Variants in HDLBP observed in about 807,000 individuals in gnomAD.
The protein encoded by HDLBP is high density lipoprotein binding protein, also known as vigilin.
A neutral mutation model predicts 137.3 loss-of-function variants in HDLBP; 30 were observed. That is an observed-to-expected ratio of 0.22 (90% CI 0.16 to 0.30). HDLBP has a LOEUF of 0.30. HDLBP is among the 10% of genes least tolerant of loss of function. The probability of loss-of-function intolerance (pLI) is 1.00; values close to 1 mark genes in which losing one functional copy is unlikely to be tolerated. For missense variants in HDLBP, 1,119 were observed against 1,667.3 expected, an observed-to-expected ratio of 0.67 and a Z score of 5.73; for synonymous variants, 606 against 596.0, an observed-to-expected ratio of 1.02 and a Z score of -0.24.
In HDLBP at chr2:241,229,950, C is replaced by G; in HGVS notation, c.3603G>C (p.Val1201=). The change falls in exon 27 of 28, where the codon GTG becomes GTC. Residue 1201 remains valine (V), a synonymous_variant. Transcript: ENST00000310931. Reference sequence around the variant, plus strand: ...ATACCTGCAGCGCCTCACTGTCCACCACGTCAGCTAGCTGCAGGCAGAAGA... The same window carrying G: ...ATACCTGCAGCGCCTCACTGTCCACGACGTCAGCTAGCTGCAGGCAGAAGA... ...LNLEEEYLAD[V]VDSEALQVYM... 6.2e-7 allele frequency: 1 copy of G among 1,600,232 alleles called. No individual in the cohort carries two copies. Among genetic ancestry groups the G allele is most frequent in the Non-Finnish European group, 8.5e-7 (1 of 1,172,440 alleles).
chr2:241,255,034 G>A lies in HDLBP; in HGVS notation c.1188+17C>T, dbSNP rs1559507941. 1 of 1,553,622 alleles carries A rather than the reference G, an allele frequency of 6.4e-7. No homozygotes were observed. The highest frequency in any genetic ancestry group is 2.2e-5 in the East Asian group (1 of 44,556). ...ACAAGACAAATTCAATACAACAGGTGAAAAACGTGTCCTTACCTTTGGCAT... is the reference window on the plus strand; with the variant it reads ...ACAAGACAAATTCAATACAACAGGTAAAAAACGTGTCCTTACCTTTGGCAT... On this transcript the variant is annotated intron_variant, in intron 9 of 27. Transcript: ENST00000310931.
chr2:241,261,985 G>T (rs980767033), intron 5 of HDLBP, among the ~76,000 whole-genome samples: 1 of 152,312 alleles, frequency 6.6e-6, no homozygotes, highest in Middle Eastern at 3.4e-3. Flanking sequence ...TAGTACAACA[G>T]CAGTCACGCA....
intron 1 of HDLBP, among the ~76,000 whole-genome samples, chr2:241,296,954 G>A (rs763233027): frequency 2.6e-5 from 4 of 152,254 alleles, no homozygotes; most frequent in African/African-American, 7.2e-5. Flanking sequence ...GCGTCAGCAC[G>A]AAGGCAGTCA....
chr2:241,277,313 A>G (rs1237565076), intron 1 of HDLBP, among the ~76,000 whole-genome samples: 1 of 152,154 alleles, frequency 6.6e-6, no homozygotes, highest in African/African-American at 2.4e-5. Flanking sequence ...GAATAAACAA[A>G]AGAAAGGTAG....
At chr2:241,246,579 G>A (rs548964837) in intron 16 of HDLBP, 173 bp downstream of exon 16, 2 of 645,646 alleles carry the variant, frequency 3.1e-6, no homozygotes, top group Non-Finnish European at 5.4e-6. Context: ...TATCGTGAGA[G>A]ACAAAGGCAG....
At chr2:241,256,444 A>C (rs373714973) in intron 6 of HDLBP, 45 bp from the exon 7 acceptor site, 20 of 1,548,894 alleles carry the variant, frequency 1.3e-5, no homozygotes, top group African/African-American at 5.5e-5. Context: ...CTTTGAAAAC[A>C]AACTGGGGAC....
rs113797954 is a variant in HDLBP at position 241,287,687 on chromosome 2, G to A, written c.-102-19146C>T. ...TCTGCCTGCCTTGGCCTCCCAAAGT[G>A]CTGGGATTACAGGTGTGAGCCACTG... On this transcript the variant is annotated intron_variant, in intron 1 of 27. Transcript: ENST00000310931. Among the ~76,000 whole-genome samples, 145 of 152,310 alleles carry A rather than the reference G, an allele frequency of 9.5e-4. 2 individuals carry two copies. Among genetic ancestry groups the A allele is most frequent in the African/African-American group, 3.0e-3 (126 of 41,560 alleles).
At chr2:241,312,133 C>T (rs891181621) in intron 1 of HDLBP, among the ~76,000 whole-genome samples, 2 of 152,204 alleles carry the variant, frequency 1.3e-5, no homozygotes, top group Non-Finnish European at 2.9e-5. Flanking sequence ...TGACATGAAG[C>T]TGTAACCTTG....
intron 5 of HDLBP, among the ~76,000 whole-genome samples, chr2:241,261,241 A>C (rs1207631386): frequency 1.3e-5 from 2 of 151,992 alleles, no homozygotes; most frequent in Non-Finnish European, 2.9e-5. Context: ...GCACTGTTAA[A>C]GAATGAGAGA....
At chr2:241,313,466 G>C (rs915457466) in intron 1 of HDLBP, among the ~76,000 whole-genome samples, 3 of 152,088 alleles carry the variant, frequency 2.0e-5, no homozygotes, top group African/African-American at 7.2e-5. Flanking sequence ...TTTTAGTAGA[G>C]ACAGGGTTTC....
At chr2:241,303,872 G>C (rs925071232) in intron 1 of HDLBP, among the ~76,000 whole-genome samples, 5 of 152,204 alleles carry the variant, frequency 3.3e-5, no homozygotes, top group African/African-American at 9.7e-5. Flanking sequence ...GCAGTGGTGT[G>C]ACTACAGCTC....
At chr2:241,236,837 CAT>C (rs1488983647) in intron 20 of HDLBP, 68 bp from the exon 21 acceptor site, 5 of 1,537,534 alleles carry the variant, frequency 3.3e-6, no homozygotes, top group South Asian at 2.4e-5. Flanking sequence ...GTTCAGAATG[CAT>C]ATGTCTGTGA....
chr2:241,261,212 A>AAAG lies in HDLBP; in HGVS notation c.450+1498_450+1499insCTT, dbSNP rs1553645513. Among the ~76,000 whole-genome samples the AAAG allele has an allele frequency of 6.5e-3, 966 of 148,628 alleles. 1 individual carries two copies. Among genetic ancestry groups the AAAG allele is most frequent in the Non-Finnish European group, 0.012 (806 of 66,826 alleles). On this transcript the variant is annotated intron_variant, in intron 5 of 27. Coordinates refer to ENST00000310931, the MANE Select transcript of HDLBP (RefSeq NM_005336.6). ...CCTGTCTCAAAAAAAAAAAAAAAAA[A>AAAG]GGGGGTAGGAGGGAGTAAGCACTGT... is the stretch of plus-strand genomic sequence containing the variant.
At chr2:241,244,756 G>A (rs1273150392) in intron 16 of HDLBP, among the ~76,000 whole-genome samples, 1 of 152,020 alleles carries the variant, frequency 6.6e-6, no homozygotes, top group Non-Finnish European at 1.5e-5. Context: ...GCAACTGTGT[G>A]GATAAATACA....
At chr2:241,294,855 CT>C (rs2075122122) in intron 1 of HDLBP, among the ~76,000 whole-genome samples, 1 of 152,168 alleles carries the variant, frequency 6.6e-6, no homozygotes, top group Non-Finnish European at 1.5e-5. Flanking sequence ...AATCCCAGCA[CT>C]TTGGGAGGCC....
chr2:241,230,117 G>C lies in HDLBP; in HGVS notation c.3591+36C>G. On this transcript the variant is annotated intron_variant, in intron 26 of 27. Coordinates refer to ENST00000310931, the MANE Select transcript of HDLBP (RefSeq NM_005336.6). This position sits in a 1 kb window ranked among gnomAD's most constrained non-coding sequence, Gnocchi z 5.0. ...GGGCCTCAGGCCGGTGGACGTGCCA[G>C]GGCGCCTCAGGGCTCCAAGGCCCAC... The C allele has an allele frequency of 2.5e-6, 4 of 1,586,774 alleles. No individual in the cohort carries two copies. The highest frequency in any genetic ancestry group is 3.5e-6 in the Non-Finnish European group (4 of 1,155,612).
rs537980294 is a variant in HDLBP, at chr2:241,271,250, TA to T, written c.-102-2710del. On this transcript the variant is annotated intron_variant, in intron 1 of 27. Coordinates refer to ENST00000310931, the MANE Select transcript of HDLBP (RefSeq NM_005336.6). ...GGATCAATCAGTGTCCAGGTCCACC[TA>T]ATGTAAACCTCAAACTATACTGAAC... The T allele has an allele frequency of 1.1e-5, 5 of 475,906 alleles. No homozygotes were observed. The South Asian group carries it at 4.5e-4, about 42-fold the overall frequency. The allele number at this position is 475,906 out of a possible 1,614,324, so 29.5% of individuals were successfully genotyped here. A position where few individuals can be genotyped will look rare whatever the true frequency, so the allele number is the denominator to read the frequency against.
intron 1 of HDLBP, among the ~76,000 whole-genome samples, chr2:241,279,045 AT>A (rs1553653210): frequency 1.8e-5 from 2 of 111,572 alleles, no homozygotes; most frequent in Admixed American, 1.1e-4. Flanking sequence ...CTCTAAAAAA[AT>A]TTTTTAAAAT....
chr2:241,258,672 TA>T, intron 5 of HDLBP, among the ~76,000 whole-genome samples: 1 of 152,240 alleles, frequency 6.6e-6, no homozygotes, highest in South Asian at 2.1e-4. Context: ...GAAGAAAAGA[TA>T]AACTTTCTTA....
Sources: allele counts gnomAD v4.1 joint callset (sites outside exome capture counted in the v4.1 genomes callset), GRCh38; gene constraint gnomAD v4.1.1; non-coding constraint Gnocchi (gnomAD v3.1); transcripts MANE v1.5; gene names NCBI Gene and HGNC (gene_info 2026-07-23, HGNC 2026-07-21).